The following SLC39A11 variants were observed in gnomAD, a reference collection of about 807,000 sequenced individuals.
SLC39A11 encodes zinc transporter ZIP11.
In SLC39A11, 33 loss-of-function variants were observed where a neutral mutation model predicts 36.1. That is an observed-to-expected ratio of 0.91 (90% CI 0.69 to 1.22). The LOEUF (loss-of-function observed/expected upper bound fraction) is 1.22, where lower values mean the gene tolerates loss of function less well. Among genes scored for constraint, SLC39A11 ranks in the 50% most tolerant of loss-of-function variants. SLC39A11 has a pLI of 0.00. For missense variants in SLC39A11, 432 were observed against 430.3 expected (o/e 1.00, Z -0.03); for synonymous variants, 166 against 170.3 (o/e 0.97, Z 0.20).
chr17:72,652,933 A>G (rs2069919597), intron 7 of SLC39A11, among the ~76,000 whole-genome samples: 4 of 152,002 alleles, frequency 2.6e-5, no homozygotes. Flanking sequence ...TGCTTCTCCT[A>G]GGCTGGCACA....
At chr17:72,784,107 G>A (rs183223297) in intron 6 of SLC39A11, among the ~76,000 whole-genome samples, 1 of 152,324 alleles carries the variant, frequency 6.6e-6, no homozygotes, top group Non-Finnish European at 1.5e-5. Context: ...CACTTTGGGA[G>A]GCCGAGACAG....
intron 5 of SLC39A11, among the ~76,000 whole-genome samples, chr17:72,925,193 C>A (rs914471099): frequency 6.6e-6 from 1 of 151,980 alleles, no homozygotes. Context: ...TGTTCTTCCA[C>A]GACGGACATG....
intron 6 of SLC39A11, among the ~76,000 whole-genome samples, chr17:72,827,244 C>T (rs2078066589): frequency 6.6e-6 from 1 of 152,136 alleles, no homozygotes; most frequent in South Asian, 2.1e-4. Context: ...ATACAACAGG[C>T]CACATACTAT....
intron 6 of SLC39A11, among the ~76,000 whole-genome samples, chr17:72,843,632 T>G (rs1329983987): frequency 6.6e-6 from 1 of 152,174 alleles, no homozygotes; most frequent in African/African-American, 2.4e-5. Context: ...GGCAGCCCGA[T>G]CTCAGGCTTC....
intron 3 of SLC39A11, among the ~76,000 whole-genome samples, chr17:73,036,417 G>T (rs1023278443): frequency 3.3e-5 from 5 of 150,520 alleles, no homozygotes; most frequent in Non-Finnish European, 7.4e-5. Context: ...ACACCGAAGG[G>T]CCATCGTTTT....
intron 7 of SLC39A11, among the ~76,000 whole-genome samples, chr17:72,685,831 G>A (rs1020109887): frequency 6.6e-6 from 1 of 152,088 alleles, no homozygotes; most frequent in Admixed American, 6.5e-5. Context: ...TTGAGGTCAG[G>A]AGTTCAAGAC....
At chr17:72,720,455 G>GCCAGGCACACTCAGAGACC (rs1382998727) in intron 7 of SLC39A11, among the ~76,000 whole-genome samples, 2 of 125,108 alleles carry the variant, frequency 1.6e-5, no homozygotes, top group African/African-American at 6.5e-5. Flanking sequence ...GGGCCCCGAG[G>GCCAGGCACACTCAGAGACC]CTTGGATGTC....
chr17:72,727,941 G>A (rs1381757458), intron 7 of SLC39A11, among the ~76,000 whole-genome samples: 1 of 152,178 alleles, frequency 6.6e-6, no homozygotes, highest in Non-Finnish European at 1.5e-5. Flanking sequence ...CCCCTGAAGT[G>A]GGAACTGAAG....
chr17:73,022,326 G>A (rs2058378905), intron 4 of SLC39A11, among the ~76,000 whole-genome samples: 1 of 152,214 alleles, frequency 6.6e-6, no homozygotes, highest in Admixed American at 6.5e-5. Context: ...CGAGTGCAGT[G>A]GCTCATGCCA....
chr17:72,784,367 G>T (rs1255905864), intron 6 of SLC39A11, among the ~76,000 whole-genome samples: 1 of 151,978 alleles, frequency 6.6e-6, no homozygotes, highest in Admixed American at 6.6e-5. Flanking sequence ...AAACAAAAAG[G>T]TTGGGGGGTG....
intron 6 of SLC39A11, among the ~76,000 whole-genome samples, chr17:72,813,172 G>C (rs989703999): frequency 6.6e-6 from 1 of 152,172 alleles, no homozygotes; most frequent in African/African-American, 2.4e-5. Context: ...TAGATTCTCT[G>C]AGTTACTCCT....
intron 6 of SLC39A11, among the ~76,000 whole-genome samples, chr17:72,820,802 G>C (rs1211652019): frequency 6.6e-6 from 1 of 150,980 alleles, no homozygotes; most frequent in African/African-American, 2.4e-5. Flanking sequence ...AGAAACTGGG[G>C]GACAGAGGAG....
intron 7 of SLC39A11, among the ~76,000 whole-genome samples, chr17:72,679,057 G>A (rs1267260108): frequency 6.6e-6 from 1 of 152,142 alleles, no homozygotes; most frequent in Admixed American, 6.6e-5. Context: ...CTCATAGGTG[G>A]GAGCTACAAA....
chr17:72,688,675 G>C (rs1252200469), intron 7 of SLC39A11, among the ~76,000 whole-genome samples: 1 of 152,184 alleles, frequency 6.6e-6, no homozygotes, highest in Non-Finnish European at 1.5e-5. Context: ...ACTTCACATA[G>C]GGTAAGGGAT....
chr17:72,650,771 T>G (rs2069813388), intron 7 of SLC39A11, among the ~76,000 whole-genome samples: 1 of 152,114 alleles, frequency 6.6e-6, no homozygotes, highest in Admixed American at 6.5e-5. Flanking sequence ...TTGCTGCCAA[T>G]AGGAATCTAC....
intron 3 of SLC39A11, among the ~76,000 whole-genome samples, chr17:73,071,960 T>C (rs758302118): frequency 2.6e-4 from 40 of 152,128 alleles, no homozygotes; most frequent in Admixed American, 4.6e-4. Flanking sequence ...TCTCAATAAA[T>C]GCTAAACAAA....
At chr17:72,754,045 T>TACACACACAC (rs1383818868) in intron 6 of SLC39A11, among the ~76,000 whole-genome samples, 23 of 53,254 alleles carry the variant, frequency 4.3e-4, no homozygotes, top group Non-Finnish European at 9.3e-4. Context: ...TATATATATA[T>TACACACACAC]ACACATACAC....
rs114646437 is a variant in SLC39A11, at chr17:73,048,953, G to A, written c.148-17239C>T. ...ATAGATAATAACGCAGATGTGCTGC[G>A]TGACCAGATGGATACACACACACAA... On this transcript the variant is annotated intron_variant, in intron 3 of 9. Transcript: ENST00000255559. 8.3e-3 allele frequency among the ~76,000 whole-genome samples: 1,271 copies of A among 152,262 alleles called. 15 individuals are homozygous for A. Among genetic ancestry groups the A allele is most frequent in the African/African-American group, 0.03 (1,229 of 41,526 alleles).
chr17:72,809,199 T>TTCTCTCTCTCTCTCTCTCTCTCTCTCTC (rs66472539), intron 6 of SLC39A11, among the ~76,000 whole-genome samples: 17 of 102,324 alleles, frequency 1.7e-4, no homozygotes, highest in Non-Finnish European at 3.4e-4. Flanking sequence ...TTTCTTTTCT[T>TTCTCTCTCTCTCTCTCTCTCTCTCTCTC]TCTCTCTCTC....
Sources: allele counts gnomAD v4.1 joint callset (sites outside exome capture counted in the v4.1 genomes callset), GRCh38; gene constraint gnomAD v4.1.1; transcripts MANE v1.5; gene names NCBI Gene and HGNC (gene_info 2026-07-23, HGNC 2026-07-21).